DLGAP2: variants seen among roughly 807,000 people sequenced by gnomAD.
DLGAP2 encodes the protein disks large-associated protein 2.
A neutral mutation model predicts 100.3 loss-of-function variants in DLGAP2; 26 were observed. That is an observed-to-expected ratio of 0.26 (90% CI 0.19 to 0.36). The LOEUF (loss-of-function observed/expected upper bound fraction) is 0.36, where lower values mean the gene tolerates loss of function less well. DLGAP2 is among the 10% of genes least tolerant of loss of function. DLGAP2 has a pLI of 1.00. For missense variants in DLGAP2, 1,858 were observed against 1,453.2 expected (o/e 1.28, Z -4.53); for synonymous variants, 886 against 630.1 (o/e 1.41, Z -6.08).
chr8:966,233 G>T (rs573471146), intron 2 of DLGAP2, among the ~76,000 whole-genome samples: 1 of 152,304 alleles, frequency 6.6e-6, no homozygotes, highest in Admixed American at 6.5e-5. Flanking sequence ...TCCAGGCAGC[G>T]TTTTCCCAGG....
chr8:759,399 T>C (rs1277598759), intron 1 of DLGAP2, among the ~76,000 whole-genome samples: 1 of 151,434 alleles, frequency 6.6e-6, no homozygotes, highest in Non-Finnish European at 1.5e-5. Flanking sequence ...TTGACGTGGC[T>C]CCCCCTGGGC....
intron 7 of DLGAP2, among the ~76,000 whole-genome samples, chr8:1,628,474 T>C (rs879352153): frequency 7.5e-4 from 84 of 111,312 alleles, no homozygotes; most frequent in Non-Finnish European, 1.1e-3. Flanking sequence ...GAGCCTGAGC[T>C]GACCTCACAT....
intron 3 of DLGAP2, among the ~76,000 whole-genome samples, chr8:1,476,652 T>A (rs1798938031): frequency 1.3e-5 from 2 of 152,146 alleles, no homozygotes; most frequent in Admixed American, 6.5e-5. Flanking sequence ...CCACCCGTGA[T>A]GGCTGACTGC....
intron 6 of DLGAP2, among the ~76,000 whole-genome samples, chr8:1,585,536 C>T (rs1202702902): frequency 1.3e-5 from 2 of 152,158 alleles, no homozygotes; most frequent in Non-Finnish European, 2.9e-5. Context: ...ACTTTTATGG[C>T]GAACTGCAAC....
At chr8:1,018,373 C>T (rs6559203) in intron 2 of DLGAP2, among the ~76,000 whole-genome samples, 93,882 of 152,058 alleles carry the variant, frequency 0.62, 29,212 homozygotes, top group Admixed American at 0.66. Flanking sequence ...GATTCTATTT[C>T]GCATTAGGTT....
intron 1 of DLGAP2, among the ~76,000 whole-genome samples, chr8:829,325 T>C (rs1436130680): frequency 1.3e-5 from 2 of 152,244 alleles, no homozygotes; most frequent in African/African-American, 2.4e-5. Context: ...ATGAAGTTTG[T>C]TCCACCTGTC....
chr8:1,277,883 G>T (rs957526133), intron 3 of DLGAP2, among the ~76,000 whole-genome samples: 6 of 152,212 alleles, frequency 3.9e-5, no homozygotes, highest in African/African-American at 1.4e-4. Flanking sequence ...TGTCATGTCC[G>T]TGACAATGCT....
rs184229855 is a variant in DLGAP2, at chr8:1,437,842, C to T, written c.107-63524C>T. On this transcript the variant is annotated intron_variant, in intron 3 of 14. Transcript: ENST00000637795. Reference sequence around the variant, plus strand: ...AAAAAAAAAAAAAAAAAAAATTAGCCGGGCGTGATGTCATGTGCCTGTAAT... The same window carrying T: ...AAAAAAAAAAAAAAAAAAAATTAGCTGGGCGTGATGTCATGTGCCTGTAAT... Among the ~76,000 whole-genome samples the T allele has an allele frequency of 9.2e-3, 1,263 of 137,220 alleles. 19 individuals are homozygous for T. The highest frequency in any genetic ancestry group is 0.028 in the African/African-American group (1,073 of 38,134). 90.0% of individuals were successfully genotyped at this position (137,220 alleles called of 152,430 possible).
chr8:1,034,526 C>G (rs560843591), intron 2 of DLGAP2, among the ~76,000 whole-genome samples: 1 of 94,682 alleles, frequency 1.1e-5, no homozygotes, highest in African/African-American at 5.3e-5. Flanking sequence ...GATTCACACC[C>G]TCATCCCGAC....
intron 2 of DLGAP2, among the ~76,000 whole-genome samples, chr8:1,192,221 C>T (rs1337715293): frequency 6.6e-6 from 1 of 152,176 alleles, no homozygotes; most frequent in African/African-American, 2.4e-5. Context: ...CAGCCAGGGC[C>T]ATGAAGCAGG....
At chr8:1,152,635 G>C (rs555581352) in intron 2 of DLGAP2, among the ~76,000 whole-genome samples, 2 of 152,216 alleles carry the variant, frequency 1.3e-5, no homozygotes, top group South Asian at 4.1e-4. Flanking sequence ...GAACTCCCAG[G>C]GGTGCCTGCA....
chr8:1,691,036 G>C (rs1585068246), intron 12 of DLGAP2, among the ~76,000 whole-genome samples: 1 of 152,102 alleles, frequency 6.6e-6, no homozygotes, highest in East Asian at 1.9e-4. Flanking sequence ...GGAGATAACT[G>C]CCCACAGTTC....
intron 6 of DLGAP2, among the ~76,000 whole-genome samples, chr8:1,579,309 A>T (rs1803128096): frequency 6.6e-6 from 1 of 152,192 alleles, no homozygotes; most frequent in South Asian, 2.1e-4. Flanking sequence ...AAAATCGTAT[A>T]TATACACACA....
chr8:1,213,749 G>A (rs991179411), intron 2 of DLGAP2, among the ~76,000 whole-genome samples: 12 of 152,310 alleles, frequency 7.9e-5, no homozygotes, highest in African/African-American at 2.9e-4. Flanking sequence ...GGCTTTCCAT[G>A]AAGTGCTTTC....
chr8:965,082 G>A (rs984474995), intron 2 of DLGAP2, among the ~76,000 whole-genome samples: 4 of 142,170 alleles, frequency 2.8e-5, no homozygotes, highest in East Asian at 2.1e-4. Flanking sequence ...CACTGCACAC[G>A]GCAGTGTTCA....
intron 3 of DLGAP2, among the ~76,000 whole-genome samples, chr8:1,405,455 G>A (rs1396276534): frequency 5.0e-4 from 2 of 4,040 alleles, no homozygotes; most frequent in African/African-American, 1.2e-3. Flanking sequence ...CGTGTATTGA[G>A]TGCTTACTGA....
chr8:1,283,656 T>C (rs1799866352), intron 3 of DLGAP2, among the ~76,000 whole-genome samples: 1 of 152,238 alleles, frequency 6.6e-6, no homozygotes, highest in Non-Finnish European at 1.5e-5. Context: ...GCTTTCCTTT[T>C]GTGAAAATGC....
chr8:1,107,007 C>T (rs774135420), intron 2 of DLGAP2, among the ~76,000 whole-genome samples: 5 of 152,130 alleles, frequency 3.3e-5, no homozygotes, highest in African/African-American at 1.2e-4. Context: ...GTCTATTAAA[C>T]CGCACCTGTA....
chr8:1,106,790 G>T (rs779904462), intron 2 of DLGAP2, among the ~76,000 whole-genome samples: 1 of 152,052 alleles, frequency 6.6e-6, no homozygotes, highest in Non-Finnish European at 1.5e-5. Flanking sequence ...ATTGAAGGGA[G>T]CCATTCTAGG....
Sources: gnomAD v4.1 joint callset for allele counts (sites outside exome capture counted in the v4.1 genomes callset) on GRCh38, gnomAD v4.1.1 for gene constraint, MANE v1.5 for transcripts, NCBI Gene and HGNC (gene_info 2026-07-23, HGNC 2026-07-21) for gene names.